Variants in RPH3AL observed in about 807,000 individuals in gnomAD.
The protein encoded by RPH3AL is rab effector Noc2.
RPH3AL carries 38 observed loss-of-function variants against 43.1 expected under a neutral mutation model. The observed-to-expected ratio is 0.88, with a 90% CI of 0.68 to 1.15. The LOEUF (loss-of-function observed/expected upper bound fraction) is 1.15. RPH3AL is among the 50% of genes most tolerant of loss of function. RPH3AL has a pLI of 0.00. For missense variants in RPH3AL, 462 were observed against 423.2 expected (o/e 1.09, Z -0.81); for synonymous variants, 189 against 176.3 (o/e 1.07, Z -0.57).
At chr17:349,080 T>C (rs1169503285) in intron 1 of RPH3AL, 2 of 148,040 alleles carry the variant, frequency 1.4e-5, no homozygotes, top group East Asian at 4.3e-4. Context: ...GATCTTGCTC[T>C]GTGGCAGTCC....
At chr17:340,143 G>A (rs2045072137) in intron 1 of RPH3AL, among the ~76,000 whole-genome samples, 1 of 151,954 alleles carries the variant, frequency 6.6e-6, no homozygotes, top group African/African-American at 2.4e-5. Flanking sequence ...GGTCCCCCTG[G>A]CTCCAGGCTC....
chr17:329,760 C>T (rs1207292552), intron 2 of RPH3AL, among the ~76,000 whole-genome samples: 2 of 152,210 alleles, frequency 1.3e-5, no homozygotes, highest in African/African-American at 2.4e-5. Context: ...TTTTCATTCA[C>T]GCATTTGTGG....
chr17:331,760 G>C (rs1487990159), intron 2 of RPH3AL: 5 of 1,289,046 alleles, frequency 3.9e-6, no homozygotes, highest in Non-Finnish European at 5.1e-6. Context: ...TCACCTCTTG[G>C]GCTCAGAGGG....
In RPH3AL at chr17:328,882, A is replaced by G. The variant is rs2044681108; in HGVS notation, c.-36-1303T>C. On this transcript the variant is annotated intron_variant, in intron 2 of 9. Transcript: ENST00000331302. This position sits in a 1 kb window ranked among gnomAD's most constrained non-coding sequence, Gnocchi z 4.2. ...ATCCTAAGTAAGAAAAGCCAGTCAT[A>G]AAAGACCACGTATTGTATGATTCCG... Among the ~76,000 whole-genome samples, 1 of 152,254 alleles carries G rather than the reference A, an allele frequency of 6.6e-6. No homozygotes were observed. The highest frequency in any genetic ancestry group is 6.5e-5 in the Admixed American group (1 of 15,290).
chr17:213,939 A>G lies in RPH3AL; in HGVS notation c.877-16T>C, dbSNP rs371688240. Reference sequence around the variant, plus strand: ...TGTCTTTTACCTTTGGATGAGAGAAAAGGCCACCACATGGTGAGCAGCGGT... The same window carrying G: ...TGTCTTTTACCTTTGGATGAGAGAAGAGGCCACCACATGGTGAGCAGCGGT... On this transcript the variant is annotated splice_polypyrimidine_tract_variant and intron_variant, in intron 9 of 9. Transcript: ENST00000331302. 2.4e-5 allele frequency: 38 copies of G among 1,607,292 alleles called. No individual in the cohort carries two copies. The highest frequency in any genetic ancestry group is 2.7e-5 in the Non-Finnish European group (32 of 1,175,460).
At chr17:352,525 G>C (rs1304966874) in intron 1 of RPH3AL, 187 bp downstream of exon 1, 1 of 152,186 alleles carries the variant, frequency 6.6e-6, no homozygotes, top group African/African-American at 2.4e-5. Context: ...AGCAGGACCT[G>C]GGGCAGCCTG....
chr17:324,328 C>T (rs576654011), intron 3 of RPH3AL, among the ~76,000 whole-genome samples: 6 of 152,220 alleles, frequency 3.9e-5, no homozygotes, highest in Non-Finnish European at 7.3e-5. Flanking sequence ...TCTCATCTCA[C>T]CTGCTGCCAG....
intron 5 of RPH3AL, among the ~76,000 whole-genome samples, chr17:312,965 G>C (rs1310071306): frequency 1.3e-5 from 2 of 152,186 alleles, no homozygotes; most frequent in Non-Finnish European, 2.9e-5. Context: ...TCCCATCTGG[G>C]CAGGAGCCCC....
In RPH3AL at chr17:345,641, C is replaced by T. The variant is rs369857150; in HGVS notation, c.-213+7071G>A. On this transcript the variant is annotated intron_variant, in intron 1 of 9. Coordinates refer to ENST00000331302, the MANE Select transcript of RPH3AL (RefSeq NM_006987.4). ...GGGGCACGCGTGCTCCCCATCTGCA[C>T]GCACACCCTGCTGGGGCACGCGTGC... Among the ~76,000 whole-genome samples, 21 of 73,556 alleles carry T rather than the reference C, an allele frequency of 2.9e-4. 5 individuals are homozygous for T. The highest frequency in any genetic ancestry group is 2.3e-3 in the Admixed American group (16 of 7,030). 48.3% of individuals were successfully genotyped at this position (73,556 alleles called of 152,430 possible). A position where few individuals can be genotyped will look rare whatever the true frequency, so the allele number is the denominator to read the frequency against.
At chr17:244,231 T>TTCCTCTATTGATTACCCG (rs1555538708) in intron 7 of RPH3AL, among the ~76,000 whole-genome samples, 30 of 149,862 alleles carry the variant, frequency 2.0e-4, no homozygotes, top group African/African-American at 6.6e-4. Flanking sequence ...TTGATTACCC[T>TTCCTCTATTGATTACCCG]TCCTCTATTG....
At chr17:248,902 C>G (rs548883509) in intron 6 of RPH3AL, among the ~76,000 whole-genome samples, 9 of 152,322 alleles carry the variant, frequency 5.9e-5, no homozygotes, top group Admixed American at 5.9e-4. Flanking sequence ...TGCCTCCTTC[C>G]TGTCCCTTCC....
At chr17:272,642 T>G (rs975584115) in intron 6 of RPH3AL, among the ~76,000 whole-genome samples, 1 of 142,678 alleles carries the variant, frequency 7.0e-6, no homozygotes, top group South Asian at 2.5e-4. Context: ...CATTAGGAGA[T>G]ATACCTAATG....
intron 5 of RPH3AL, among the ~76,000 whole-genome samples, chr17:297,359 C>G (rs973959639): frequency 1.3e-5 from 2 of 152,228 alleles, no homozygotes; most frequent in Non-Finnish European, 2.9e-5. Flanking sequence ...ATTATCGAAC[C>G]CAAAGTATGG....
intron 1 of RPH3AL, among the ~76,000 whole-genome samples, chr17:342,077 G>A (rs949528857): frequency 6.6e-6 from 1 of 152,106 alleles, no homozygotes; most frequent in Non-Finnish European, 1.5e-5. Context: ...CCCCAAAGAA[G>A]ATACGCAAAT....
At chr17:314,631 T>A (rs1276326220) in intron 5 of RPH3AL, among the ~76,000 whole-genome samples, 1 of 98,300 alleles carries the variant, frequency 1.0e-5, no homozygotes, top group East Asian at 2.4e-4. Flanking sequence ...CCCACCTCCA[T>A]TGACCTGTAG....
chr17:253,309 G>A (rs1365113535), intron 6 of RPH3AL, among the ~76,000 whole-genome samples: 1 of 152,146 alleles, frequency 6.6e-6, no homozygotes, highest in Non-Finnish European at 1.5e-5. Context: ...GGGTGACTTG[G>A]CAATGTGGCC....
At chr17:273,185 TCAGGGAGAGACCCCAGCGAGGGTGACG>T (rs2042552918) in intron 6 of RPH3AL, among the ~76,000 whole-genome samples, 1 of 60,670 alleles carries the variant, frequency 1.6e-5, no homozygotes, top group African/African-American at 5.6e-5. Context: ...GCGGGTGACG[TCAGGGAGAGACCCCAGCGAGGGTGACG>T]TCAGGGTGAG....
chr17:258,775 T>G (rs1337379981), intron 6 of RPH3AL, among the ~76,000 whole-genome samples: 1 of 150,862 alleles, frequency 6.6e-6, no homozygotes, highest in East Asian at 1.9e-4. Context: ...TTTTTTTTTT[T>G]TTTGAGACAG....
chr17:324,082 C>T (rs1346540031), intron 3 of RPH3AL, among the ~76,000 whole-genome samples: 1 of 152,216 alleles, frequency 6.6e-6, no homozygotes. Flanking sequence ...GGCCCGGACC[C>T]TGAGGCACCC....
Sources: allele counts gnomAD v4.1 joint callset (sites outside exome capture counted in the v4.1 genomes callset), GRCh38; gene constraint gnomAD v4.1.1; non-coding constraint Gnocchi (gnomAD v3.1); transcripts MANE v1.5; gene names NCBI Gene and HGNC (gene_info 2026-07-23, HGNC 2026-07-21).